The following ZNF407 variants were observed in gnomAD, a reference collection of about 807,000 sequenced individuals.
ZNF407 encodes the protein zinc finger protein 407.
In ZNF407, 17 loss-of-function variants were observed where a neutral mutation model predicts 131.2. That is an observed-to-expected ratio of 0.13 (90% CI 0.09 to 0.19). ZNF407 has a LOEUF of 0.19. ZNF407 is among the 10% of genes least tolerant of loss of function. The probability of loss-of-function intolerance (pLI) is 1.00; values close to 1 mark genes in which losing one functional copy is unlikely to be tolerated. For missense variants in ZNF407, 2,681 were observed against 2,830.6 expected (o/e 0.95, Z 1.20); for synonymous variants, 1,156 against 1,062.0 (o/e 1.09, Z -1.72).
chr18:75,009,068 C>G (rs920797373), intron 8 of ZNF407, among the ~76,000 whole-genome samples: 1 of 152,174 alleles, frequency 6.6e-6, no homozygotes, highest in South Asian at 2.1e-4. Flanking sequence ...AATAGGCTCC[C>G]TTTCTCTTCT....
intron 4 of ZNF407, among the ~76,000 whole-genome samples, chr18:74,790,939 G>C (rs991013117): frequency 6.6e-6 from 1 of 152,172 alleles, no homozygotes; most frequent in Non-Finnish European, 1.5e-5. Flanking sequence ...TAGGACACAG[G>C]AAGTGTTTAC....
Position 74,635,828 on chromosome 18 carries a change from GT to G in ZNF407, c.4687+123del. 1 of 1,319,380 alleles carries G rather than the reference GT, an allele frequency of 7.6e-7. No individual in the cohort carries two copies. The highest frequency in any genetic ancestry group is 1.0e-6 in the Non-Finnish European group (1 of 976,940). 81.7% of individuals were successfully genotyped at this position (1,319,380 alleles called of 1,614,324 possible). ...CACCCGGTTCACATTTCACTGCCGT[GT>G]GCTGCTCTGCTTGTCTGCAATAAGT... On this transcript the variant is annotated intron_variant, in intron 2 of 8. Transcript: ENST00000299687. This position sits in a 1 kb window ranked among gnomAD's most constrained non-coding sequence, Gnocchi z 4.7.
At chr18:74,831,981 A>G (rs572902282) in intron 4 of ZNF407, among the ~76,000 whole-genome samples, 1 of 152,270 alleles carries the variant, frequency 6.6e-6, no homozygotes, top group Admixed American at 6.5e-5. Flanking sequence ...GTCAGTCTGG[A>G]CTAACACCTT....
Position 74,635,025 on chromosome 18 carries a change from G to A in ZNF407, c.4006G>A (p.Val1336Ile), listed in dbSNP as rs1984381062. 1 of 1,613,996 alleles carries A rather than the reference G, an allele frequency of 6.2e-7. No individual in the cohort carries two copies. The highest frequency in any genetic ancestry group is 1.1e-5 in the South Asian group (1 of 91,078). The change falls in exon 2 of 9, where the codon GTC (valine) becomes ATC (isoleucine). Residue 1336 changes from valine to isoleucine, a missense_variant. Coordinates refer to ENST00000299687, the MANE Select transcript of ZNF407 (RefSeq NM_017757.3). This position sits in a 1 kb window ranked among gnomAD's most constrained non-coding sequence, Gnocchi z 4.7. ...ASDSTVESSD[V>I]YETIISIDDK... The stretch of plus-strand genomic sequence containing the variant: ...TGATAGCACAGTTGAAAGTAGTGAT[G>A]TCTATGAAACTATAATTAGTATTGA...
intron 3 of ZNF407, among the ~76,000 whole-genome samples, chr18:74,667,622 C>T (rs1985982472): frequency 6.6e-6 from 1 of 152,198 alleles, no homozygotes; most frequent in Non-Finnish European, 1.5e-5. Flanking sequence ...GGATAAGCGA[C>T]ATGACCAAGT....
chr18:74,619,124 A>G (rs1186519731), intron 1 of ZNF407, among the ~76,000 whole-genome samples: 2 of 152,164 alleles, frequency 1.3e-5, no homozygotes, highest in East Asian at 3.9e-4. Flanking sequence ...TTTTCCCTGT[A>G]TTTCCTGGAA....
intron 2 of ZNF407, among the ~76,000 whole-genome samples, chr18:74,636,419 C>G (rs1984466866): frequency 6.6e-6 from 1 of 152,112 alleles, no homozygotes. Context: ...TTTCTGTAAA[C>G]CTGCCATACA....
chr18:74,875,708 G>A (rs986469139), intron 4 of ZNF407, among the ~76,000 whole-genome samples: 4 of 152,052 alleles, frequency 2.6e-5, no homozygotes, highest in African/African-American at 9.7e-5. Context: ...TCATTCTCTA[G>A]TACTAGTAAG....
At chr18:74,811,627 A>T (rs1970196062) in intron 4 of ZNF407, among the ~76,000 whole-genome samples, 1 of 151,904 alleles carries the variant, frequency 6.6e-6, no homozygotes, top group Non-Finnish European at 1.5e-5. Context: ...ACCAACCCAA[A>T]TGTCCAACAA....
At chr18:74,658,200 C>T (rs2045721948) in intron 3 of ZNF407, among the ~76,000 whole-genome samples, 1 of 152,122 alleles carries the variant, frequency 6.6e-6, no homozygotes, top group South Asian at 2.1e-4. Flanking sequence ...GCAACCTCCG[C>T]CTCCCGGGTT....
At chr18:74,834,163 C>T (rs147950185) in intron 4 of ZNF407, among the ~76,000 whole-genome samples, 133 of 152,282 alleles carry the variant, frequency 8.7e-4, no homozygotes, top group African/African-American at 3.1e-3. Flanking sequence ...CCTTATGTGG[C>T]GCAGATGAAT....
intron 8 of ZNF407, among the ~76,000 whole-genome samples, chr18:74,938,808 G>A (rs976434325): frequency 1.3e-4 from 20 of 152,320 alleles, no homozygotes; most frequent in African/African-American, 4.8e-4. Flanking sequence ...CAGGATAGTG[G>A]CTAGGGCCTG....
At chr18:74,805,129 G>A (rs1284283022) in intron 4 of ZNF407, among the ~76,000 whole-genome samples, 1 of 152,102 alleles carries the variant, frequency 6.6e-6, no homozygotes, top group African/African-American at 2.4e-5. Context: ...GTGCATTTTT[G>A]TATGATGAAA....
chr18:74,946,324 A>C (rs181080921), intron 8 of ZNF407, among the ~76,000 whole-genome samples: 71 of 152,278 alleles, frequency 4.7e-4, no homozygotes, highest in African/African-American at 1.5e-3. Context: ...AGGTTGTGTG[A>C]TTCTAATAAC....
intron 1 of ZNF407, among the ~76,000 whole-genome samples, chr18:74,615,397 C>T (rs144412809): frequency 0.026 from 3,922 of 152,154 alleles, 145 homozygotes; most frequent in African/African-American, 0.084. Context: ...CCCAGCTACT[C>T]GGGAGGCTGA....
At chr18:74,865,767 A>G (rs995930552) in intron 4 of ZNF407, among the ~76,000 whole-genome samples, 1 of 152,244 alleles carries the variant, frequency 6.6e-6, no homozygotes, top group Non-Finnish European at 1.5e-5. Flanking sequence ...AATTGCACAC[A>G]TCCAATTTTA....
rs144559536 is a variant in ZNF407 at position 74,886,189 on chromosome 18, G to A, written c.5129-3729G>A. ...AGATACTTCCCCAAAGAATATAAAGGTATGGCAGATAAGCACATGGAAAGA... is the reference window on the plus strand; with the variant it reads ...AGATACTTCCCCAAAGAATATAAAGATATGGCAGATAAGCACATGGAAAGA... On this transcript the variant is annotated intron_variant, in intron 6 of 8. Coordinates refer to ENST00000299687, the MANE Select transcript of ZNF407 (RefSeq NM_017757.3). Among the ~76,000 whole-genome samples the A allele has an allele frequency of 7.4e-4, 112 of 152,220 alleles. 1 individual carries two copies. Among genetic ancestry groups the A allele is most frequent in the East Asian group, 2.3e-3 (12 of 5,182 alleles).
At chr18:74,655,384 T>C (rs982286938) in intron 3 of ZNF407, among the ~76,000 whole-genome samples, 4 of 152,060 alleles carry the variant, frequency 2.6e-5, no homozygotes, top group African/African-American at 9.7e-5. Context: ...TAAAATAATA[T>C]GGATACAAAT....
chr18:75,055,327 G>A (rs1973549561), intron 8 of ZNF407, among the ~76,000 whole-genome samples: 1 of 152,136 alleles, frequency 6.6e-6, no homozygotes, highest in South Asian at 2.1e-4. Flanking sequence ...GATTTCCAAA[G>A]GTACATGGTT....
Sources: gnomAD v4.1 joint callset for allele counts (sites outside exome capture counted in the v4.1 genomes callset) on GRCh38, gnomAD v4.1.1 for gene constraint, Gnocchi (gnomAD v3.1) non-coding constraint, MANE v1.5 for transcripts, NCBI Gene and HGNC (gene_info 2026-07-23, HGNC 2026-07-21) for gene names.